The following CXADR variants were observed in gnomAD, a reference collection of about 807,000 sequenced individuals.
The protein encoded by CXADR is CXADR cell adhesion molecule, also known as coxsackievirus and adenovirus receptor.
A neutral mutation model predicts 40.3 loss-of-function variants in CXADR; 20 were observed. The ratio of observed to expected loss-of-function variants is 0.50; its 90% CI spans 0.35 to 0.72. The LOEUF (loss-of-function observed/expected upper bound fraction) is 0.72. Ranked by LOEUF, CXADR falls within the 30% of genes least tolerant of loss-of-function variation. The pLI, the probability that CXADR is intolerant of heterozygous loss-of-function variation, is 0.01. For synonymous variants in CXADR, 150 were observed against 161.3 expected, an observed-to-expected ratio of 0.93 and a Z score of 0.53; for missense variants, 332 against 449.1, an observed-to-expected ratio of 0.74 and a Z score of 2.36.
the CXADR span, among the ~76,000 whole-genome samples, chr21:17,599,841 T>C: frequency 1.3e-5 from 2 of 152,174 alleles, no homozygotes; most frequent in Non-Finnish European, 2.9e-5. Flanking sequence ...CAACTAGAAA[T>C]TTCCTATAAA....
chr21:17,560,661 A>C (rs776843615), intron 4 of CXADR, 41 bp from the exon 5 acceptor site: 1 of 1,578,710 alleles, frequency 6.3e-7, no homozygotes, highest in Non-Finnish European at 8.7e-7. Flanking sequence ...AACAATACAT[A>C]CTATAAAAAT....
chr21:17,625,225 A>T, the CXADR span, among the ~76,000 whole-genome samples: 4 of 149,124 alleles, frequency 2.7e-5, no homozygotes, highest in East Asian at 2.0e-4. Flanking sequence ...CTAAGGAACT[A>T]TTTTTTTTTT....
intron 1 of CXADR, among the ~76,000 whole-genome samples, chr21:17,525,931 C>T (rs1388806768): frequency 6.6e-6 from 1 of 152,148 alleles, no homozygotes; most frequent in Non-Finnish European, 1.5e-5. Context: ...CTAGTAGCCA[C>T]ATTAAAAGGC....
chr21:17,557,078 G>A (rs1230508382), intron 3 of CXADR, among the ~76,000 whole-genome samples: 2 of 152,236 alleles, frequency 1.3e-5, no homozygotes, highest in African/African-American at 4.8e-5. Flanking sequence ...TTTATTCATA[G>A]TAGTGAAAGA....
intron 7 of CXADR, among the ~76,000 whole-genome samples, chr21:17,587,878 A>G (rs1294999979): frequency 2.0e-5 from 3 of 152,180 alleles, no homozygotes; most frequent in Admixed American, 2.0e-4. Context: ...TCTAACATGT[A>G]AGTCTTTAAT....
the CXADR span, among the ~76,000 whole-genome samples, chr21:17,616,058 C>T: frequency 1.2e-4 from 18 of 151,974 alleles, no homozygotes; most frequent in Non-Finnish European, 2.5e-4. Context: ...TGAGACCAGC[C>T]TGGCCAACAT....
At chr21:17,612,886 GA>G in the CXADR span, 1 of 152,042 alleles carries the variant, frequency 6.6e-6, no homozygotes, top group Non-Finnish European at 1.5e-5. Flanking sequence ...GCGGGCGGAC[GA>G]GCGCGCACAC....
chr21:17,583,084 T>TA (rs2061372088), intron 7 of CXADR, among the ~76,000 whole-genome samples: 1 of 152,164 alleles, frequency 6.6e-6, no homozygotes, highest in Non-Finnish European at 1.5e-5. Context: ...ACCAGTCTTT[T>TA]AATCTGACAA....
At chr21:17,549,635 C>T (rs187087127) in intron 2 of CXADR, among the ~76,000 whole-genome samples, 1 of 152,284 alleles carries the variant, frequency 6.6e-6, no homozygotes, top group East Asian at 1.9e-4. Context: ...TGGTAAATTT[C>T]CCATTCCTTA....
At chr21:17,517,608 A>G (rs2060477098) in intron 1 of CXADR, among the ~76,000 whole-genome samples, 1 of 152,210 alleles carries the variant, frequency 6.6e-6, no homozygotes, top group Non-Finnish European at 1.5e-5. Context: ...GCTGGCATAA[A>G]ATTATTTAGC....
chr21:17,558,962 G>A lies in CXADR; in HGVS notation c.416-14G>A. Reference sequence around the variant, plus strand: ...ATTCTCTTATGTAAATTTATAATTTGTTTTCTCTTTCAGTTAAGCCTTCAG... The same window carrying A: ...ATTCTCTTATGTAAATTTATAATTTATTTTCTCTTTCAGTTAAGCCTTCAG... On this transcript the variant is annotated splice_polypyrimidine_tract_variant and intron_variant, in intron 3 of 6. Coordinates refer to ENST00000284878, the MANE Select transcript of CXADR (RefSeq NM_001338.5). 1 of 1,598,414 alleles carries A rather than the reference G, an allele frequency of 6.3e-7. No homozygotes were observed. The highest frequency in any genetic ancestry group is 8.5e-7 in the Non-Finnish European group (1 of 1,173,022).
the CXADR span, among the ~76,000 whole-genome samples, chr21:17,605,807 G>A: frequency 6.6e-6 from 1 of 152,094 alleles, no homozygotes; most frequent in Admixed American, 6.5e-5. Flanking sequence ...AGTATTTACT[G>A]CCTACAATCA....
chr21:17,567,824 G>A lies in CXADR; in HGVS notation c.*2132G>A. The stretch of plus-strand genomic sequence containing the variant: ...AATTATCCTATTGATCTAAGTAGAA[G>A]TTATCATAGAAAGTGGACACGTATA... On this transcript the variant is annotated 3_prime_UTR_variant, in exon 7 of 7. Coordinates refer to ENST00000284878, the MANE Select transcript of CXADR (RefSeq NM_001338.5). 1.0e-6 allele frequency: 1 copy of A among 956,956 alleles called. No homozygotes were observed. Among genetic ancestry groups the A allele is most frequent in the Non-Finnish European group, 1.2e-6 (1 of 805,220 alleles). 59.3% of individuals were successfully genotyped at this position (956,956 alleles called of 1,614,324 possible). A position where few individuals can be genotyped will look rare whatever the true frequency, so the allele number is the denominator to read the frequency against.
At position 17,565,799 on chromosome 21, in the gene CXADR, A is replaced by G; in HGVS notation, c.*107A>G. 2.0e-6 allele frequency: 3 copies of G among 1,466,854 alleles called. No individual in the cohort carries two copies. The highest frequency in any genetic ancestry group is 2.7e-6 in the Non-Finnish European group (3 of 1,111,006). 90.9% of individuals were successfully genotyped at this position (1,466,854 alleles called of 1,614,324 possible). ...TTACTAGCCTCAAAATACATCAAAA[A>G]ATAAGTTAATCAGGAACTGTACGGA... is the stretch of plus-strand genomic sequence containing the variant. On this transcript the variant is annotated 3_prime_UTR_variant, in exon 7 of 7. Coordinates refer to ENST00000284878, the MANE Select transcript of CXADR (RefSeq NM_001338.5).
At chr21:17,573,965 A>T (rs760752360), downstream of CXADR, among the ~76,000 whole-genome samples, 26 of 152,208 alleles carry the variant, frequency 1.7e-4, no homozygotes, top group Non-Finnish European at 1.6e-4. Flanking sequence ...GACAAGATAA[A>T]ACTAGTTTTT....
intron 6 of CXADR, among the ~76,000 whole-genome samples, chr21:17,562,541 C>T (rs966507337): frequency 6.6e-5 from 10 of 152,206 alleles, no homozygotes; most frequent in African/African-American, 9.7e-5. Context: ...AGGGTGGTCT[C>T]GAACTCCTGG....
At chr21:17,529,034 C>CTTTTTT (rs10530177) in intron 1 of CXADR, among the ~76,000 whole-genome samples, 3 of 121,394 alleles carry the variant, frequency 2.5e-5, no homozygotes, top group Non-Finnish European at 3.5e-5. Flanking sequence ...GACTTTTTGT[C>CTTTTTT]TTTTTTTTTT....
chr21:17,575,051 A>AC (rs1367482531), downstream of CXADR, among the ~76,000 whole-genome samples: 5 of 10,324 alleles, frequency 4.8e-4, no homozygotes, highest in East Asian at 2.2e-3. Flanking sequence ...ATACATACAT[A>AC]AGGGTTGATA....
chr21:17,518,797 A>G (rs927320752), intron 1 of CXADR: 9 of 1,571,434 alleles, frequency 5.7e-6, no homozygotes, highest in South Asian at 1.1e-5. Context: ...GTTGAAGTGA[A>G]TAACTGTCCC....
Sources: allele counts gnomAD v4.1 joint callset (sites outside exome capture counted in the v4.1 genomes callset), GRCh38; gene constraint gnomAD v4.1.1; transcripts MANE v1.5; gene names NCBI Gene and HGNC (gene_info 2026-07-23, HGNC 2026-07-21).